TIMM17A: variants seen among roughly 807,000 people sequenced by gnomAD.
The protein encoded by TIMM17A is translocase of inner mitochondrial membrane 17A, also known as mitochondrial import inner membrane translocase subunit Tim17-A.
A neutral mutation model predicts 26.5 loss-of-function variants in TIMM17A; 15 were observed. That is an observed-to-expected ratio of 0.57 (90% CI 0.38 to 0.87). TIMM17A has a LOEUF of 0.87. Ranked by LOEUF, TIMM17A falls within the 40% of genes least tolerant of loss-of-function variation. The probability of loss-of-function intolerance (pLI) is 0.00; values close to 1 mark genes in which losing one functional copy is unlikely to be tolerated. For synonymous variants in TIMM17A, 80 were observed against 70.8 expected (o/e 1.13, Z -0.66); for missense variants, 201 against 210.0 (o/e 0.96, Z 0.27).
At chr1:201,960,153 A>G (rs1682497540) in intron 3 of TIMM17A, among the ~76,000 whole-genome samples, 1 of 152,120 alleles carries the variant, frequency 6.6e-6, no homozygotes, top group South Asian at 2.1e-4. Flanking sequence ...TAATCCCAGC[A>G]CTTCGGGAGG....
chr1:201,965,544 G>T lies in TIMM17A; in HGVS notation c.430+1G>T. 1 of 1,590,064 alleles carries T rather than the reference G, an allele frequency of 6.3e-7. No individual in the cohort carries two copies. Among genetic ancestry groups the T allele is most frequent in the South Asian group, 1.1e-5 (1 of 90,578 alleles). On this transcript the variant is annotated splice_donor_variant, in intron 5 of 5. Transcript: ENST00000367287. LOFTEE classifies it high-confidence loss of function. The stretch of plus-strand genomic sequence containing the variant: ...TTTGCCTCTGCACAGTTTCCCAATG[G>T]TGAGTCTTTTTGCTTAAAACTATAG...
rs77755503 is a variant in TIMM17A, at chr1:201,956,170, G to C, written c.26+618G>C. The stretch of plus-strand genomic sequence containing the variant: ...ACCTGGGAAATAGGAAGAGGTAATA[G>C]CATGTGTTCTCTGAAAAGCCATGGA... On this transcript the variant is annotated intron_variant, in intron 1 of 5. Transcript: ENST00000367287. 4.3e-3 allele frequency among the ~76,000 whole-genome samples: 650 copies of C among 152,250 alleles called. 4 individuals are homozygous for C. Among genetic ancestry groups the C allele is most frequent in the South Asian group, 0.025 (121 of 4,820 alleles).
At chr1:201,956,796 A>G (rs1682419366) in intron 1 of TIMM17A, among the ~76,000 whole-genome samples, 1 of 151,956 alleles carries the variant, frequency 6.6e-6, no homozygotes, top group Non-Finnish European at 1.5e-5. Context: ...TCTCTACTAA[A>G]AATACAAATA....
At chr1:201,962,010 G>C (rs1453319045) in intron 3 of TIMM17A, among the ~76,000 whole-genome samples, 2 of 151,872 alleles carry the variant, frequency 1.3e-5, no homozygotes, top group Non-Finnish European at 2.9e-5. Context: ...TCTGGCTCTG[G>C]ATCCTCACAC....
chr1:201,969,655 C>T lies in TIMM17A; in HGVS notation c.*101C>T, dbSNP rs989629934. 6 of 984,666 alleles carry T rather than the reference C, an allele frequency of 6.1e-6. No homozygotes were observed. Among genetic ancestry groups the T allele is most frequent in the Admixed American group, 3.9e-5 (2 of 51,070 alleles). The allele number at this position is 984,666 out of a possible 1,614,324, so 61.0% of individuals were successfully genotyped here. On this transcript the variant is annotated 3_prime_UTR_variant, in exon 6 of 6. Transcript: ENST00000367287. ...GTTTTTAAAACCATAGGTGGGACAGCTATGGCCAATAGGCTATAAAGAGAC... is the reference window on the plus strand; with the variant it reads ...GTTTTTAAAACCATAGGTGGGACAGTTATGGCCAATAGGCTATAAAGAGAC...
intron 1 of TIMM17A, among the ~76,000 whole-genome samples, chr1:201,956,579 C>A (rs528548304): frequency 6.6e-6 from 1 of 152,214 alleles, no homozygotes; most frequent in Non-Finnish European, 1.5e-5. Flanking sequence ...ATATGTAGGA[C>A]TCAGCACACT....
At chr1:201,960,647 G>A (rs1268653794) in intron 3 of TIMM17A, among the ~76,000 whole-genome samples, 1 of 152,140 alleles carries the variant, frequency 6.6e-6, no homozygotes, top group Non-Finnish European at 1.5e-5. Context: ...AAAAATACTA[G>A]GATGATGATT....
intron 3 of TIMM17A, 148 bp from the exon 4 acceptor site, chr1:201,963,468 G>A: frequency 1.3e-6 from 1 of 743,624 alleles, no homozygotes; most frequent in Non-Finnish European, 2.2e-6. Flanking sequence ...TCTAACTCTT[G>A]TTCGGTGTTT....
At chr1:201,964,635 C>CTTTTTTTTTTTTATTTTTT (rs1682591187) in intron 4 of TIMM17A, among the ~76,000 whole-genome samples, 2 of 90,954 alleles carry the variant, frequency 2.2e-5, no homozygotes, top group Non-Finnish European at 3.9e-5. Flanking sequence ...TATTTTATTT[C>CTTTTTTTTTTTTATTTTTT]TTTTTTTTTT....
intron 3 of TIMM17A, among the ~76,000 whole-genome samples, chr1:201,960,972 A>G (rs1571604400): frequency 6.7e-6 from 1 of 149,728 alleles, no homozygotes; most frequent in Admixed American, 6.7e-5. Context: ...CAGGTCTTGA[A>G]CTCCCTACCT....
Position 201,969,586 on chromosome 1 carries a change from G to T in TIMM17A, c.*32G>T. Reference sequence around the variant, plus strand: ...TTTCCTAGGATTTCTTTAACAGAACGAGTTGTGGTTCGAGAAGGATTTCAG... The same window carrying T: ...TTTCCTAGGATTTCTTTAACAGAACTAGTTGTGGTTCGAGAAGGATTTCAG... On this transcript the variant is annotated 3_prime_UTR_variant, in exon 6 of 6. Transcript: ENST00000367287. The T allele has an allele frequency of 6.4e-7, 1 of 1,563,208 alleles. No homozygotes were observed.
rs759557626 is a variant in TIMM17A at position 201,966,991 on chromosome 1, T to TTGTG, written c.430+1470_430+1473dup. The stretch of plus-strand genomic sequence containing the variant: ...TTATATATGTTGTATATTATATATG[T>TTGTG]TGTGTGTGTGTGTGTGTGTGTGTGT... On this transcript the variant is annotated intron_variant, in intron 5 of 5. Transcript: ENST00000367287. Among the ~76,000 whole-genome samples, 524 of 133,082 alleles carry TTGTG rather than the reference T, an allele frequency of 3.9e-3. 7 individuals carry two copies. Among genetic ancestry groups the TTGTG allele is most frequent in the African/African-American group, 0.014 (502 of 35,840 alleles). The allele number at this position is 133,082 out of a possible 152,430, so 87.3% of individuals were successfully genotyped here. A position where few individuals can be genotyped will look rare whatever the true frequency, so the allele number is the denominator to read the frequency against.
At chr1:201,961,990 G>T (rs1052117287) in intron 3 of TIMM17A, among the ~76,000 whole-genome samples, 1 of 151,894 alleles carries the variant, frequency 6.6e-6, no homozygotes, top group Non-Finnish European at 1.5e-5. Flanking sequence ...GTGTATAGAC[G>T]TTCGCCTCAT....
chr1:201,956,727 C>T (rs2819373), intron 1 of TIMM17A, among the ~76,000 whole-genome samples: 70,988 of 151,868 alleles, frequency 0.47, 17,371 homozygotes, highest in South Asian at 0.62. Context: ...TTTGGAAGGC[C>T]GAGGCGGATC....
rs1682708293 is a variant in TIMM17A, at chr1:201,970,146, C to G, written c.*592C>G. 1 of 152,138 alleles carries G rather than the reference C, an allele frequency of 6.6e-6. No individual in the cohort carries two copies. The highest frequency in any genetic ancestry group is 2.1e-4 in the South Asian group (1 of 4,826). The allele number at this position is 152,138 out of a possible 1,614,324, so 9.4% of individuals were successfully genotyped here. A position where few individuals can be genotyped will look rare whatever the true frequency, so the allele number is the denominator to read the frequency against. The stretch of plus-strand genomic sequence containing the variant: ...ACTTTGAAAGTAAAATATACTATGT[C>G]TTGGTTTTGAGGATATTGGATACAA... On this transcript the variant is annotated 3_prime_UTR_variant, in exon 6 of 6. Transcript: ENST00000367287.
At position 201,969,563 on chromosome 1, in the gene TIMM17A, T is replaced by C. The variant is rs767108287; in HGVS notation, c.*9T>C. 6.2e-7 allele frequency: 1 copy of C among 1,604,724 alleles called. No homozygotes were observed. The highest frequency in any genetic ancestry group is 1.7e-5 in the Admixed American group (1 of 59,642). The stretch of plus-strand genomic sequence containing the variant: ...ATCGACAATATCAGTAGGACTTCTT[T>C]CCTAGGATTTCTTTAACAGAACGAG... On this transcript the variant is annotated 3_prime_UTR_variant, in exon 6 of 6. Transcript: ENST00000367287.
chr1:201,964,140 C>T (rs1682580759), intron 4 of TIMM17A, among the ~76,000 whole-genome samples: 1 of 151,566 alleles, frequency 6.6e-6, no homozygotes, highest in African/African-American at 2.4e-5. Context: ...CATAAATATA[C>T]AGTATATGGT....
chr1:201,963,523 G>A, intron 3 of TIMM17A, 93 bp from the exon 4 acceptor site: 2 of 1,323,916 alleles, frequency 1.5e-6, no homozygotes, highest in Non-Finnish European at 2.1e-6. Context: ...TATAAATTTT[G>A]AGACTATAGT....
chr1:201,965,334 G>A, intron 4 of TIMM17A, 99 bp from the exon 5 acceptor site: 3 of 818,186 alleles, frequency 3.7e-6, no homozygotes, highest in Non-Finnish European at 6.1e-6. Context: ...TTGGGAGTTG[G>A]GGGAGCATGT....
Sources: allele counts gnomAD v4.1 joint callset (sites outside exome capture counted in the v4.1 genomes callset), GRCh38; gene constraint gnomAD v4.1.1; transcripts MANE v1.5; gene names NCBI Gene and HGNC (gene_info 2026-07-23, HGNC 2026-07-21).